The following CCDC57 variants were observed in gnomAD, a reference collection of about 807,000 sequenced individuals.
CCDC57 encodes the protein coiled-coil domain-containing protein 57.
CCDC57 carries 118 observed loss-of-function variants against 118.9 expected under a neutral mutation model. The ratio of observed to expected loss-of-function variants is 0.99; its 90% CI spans 0.86 to 1.16. CCDC57 has a LOEUF of 1.16. Ranked by LOEUF, CCDC57 falls within the 50% of genes most tolerant of loss-of-function variation. The pLI is 0.00. For missense variants in CCDC57, 1,300 were observed against 1,320.7 expected, an observed-to-expected ratio of 0.98 and a Z score of 0.24; for synonymous variants, 527 against 532.9, an observed-to-expected ratio of 0.99 and a Z score of 0.15.
intron 17 of CCDC57, among the ~76,000 whole-genome samples, chr17:82,133,668 C>A (rs2038758584): frequency 6.6e-6 from 1 of 151,826 alleles, no homozygotes; most frequent in African/African-American, 2.4e-5. Flanking sequence ...TGAAACCAGC[C>A]TGGCCAATAT....
chr17:82,148,308 A>AATGC (rs2041182754), intron 16 of CCDC57, among the ~76,000 whole-genome samples: 1 of 74,224 alleles, frequency 1.3e-5, no homozygotes, highest in Non-Finnish European at 2.8e-5. Flanking sequence ...TGGGTGGGTG[A>AATGC]ATGGATAAAT....
intron 3 of CCDC57, among the ~76,000 whole-genome samples, chr17:82,200,576 G>C (rs2048875350): frequency 6.6e-6 from 1 of 152,062 alleles, no homozygotes; most frequent in Non-Finnish European, 1.5e-5. Context: ...CTGAGGTCAG[G>C]AGTTCAAGAC....
intron 16 of CCDC57, among the ~76,000 whole-genome samples, chr17:82,144,969 T>A (rs2040503241): frequency 6.6e-6 from 1 of 151,836 alleles, no homozygotes; most frequent in Non-Finnish European, 1.5e-5. Flanking sequence ...CAGGAAATCC[T>A]TTTACCTATT....
At chr17:82,159,531 C>T (rs184722437) in intron 14 of CCDC57, among the ~76,000 whole-genome samples, 16 of 152,234 alleles carry the variant, frequency 1.1e-4, no homozygotes, top group Non-Finnish European at 1.8e-4. Context: ...CCAATCAAGG[C>T]GAGGCGTTAG....
intron 16 of CCDC57, among the ~76,000 whole-genome samples, chr17:82,143,298 A>G (rs1391921192): frequency 1.3e-5 from 2 of 152,222 alleles, no homozygotes. Context: ...AAAGAATAAA[A>G]ATAAATGTGA....
intron 8 of CCDC57, among the ~76,000 whole-genome samples, chr17:82,187,113 C>T (rs1013153693): frequency 6.7e-6 from 1 of 148,906 alleles, no homozygotes; most frequent in Non-Finnish European, 1.5e-5. Flanking sequence ...GGTATATGCC[C>T]GTAATGCCAG....
exon 20 of CCDC57, chr17:82,101,820 C>T (rs1463021004): frequency 6.3e-7 from 1 of 1,595,518 alleles, no homozygotes; most frequent in Admixed American, 1.8e-5. Context: ...CAATGCCTGC[C>T]TGCATCTTGA....
chr17:82,106,456 T>G (rs1479854122), intron 19 of CCDC57: 1 of 152,666 alleles, frequency 6.6e-6, no homozygotes, highest in Non-Finnish European at 1.5e-5. Context: ...AGGAGGCCAC[T>G]AGGAGGCTGA....
At chr17:82,198,398 G>A in exon 4 of CCDC57, 1 of 1,611,916 alleles carries the variant, frequency 6.2e-7, no homozygotes, top group Non-Finnish European at 8.5e-7. Context: ...GTTCCCGGTG[G>A]TGGTCAATCT....
At chr17:82,139,775 C>CTT (rs2039767575) in intron 16 of CCDC57, among the ~76,000 whole-genome samples, 1 of 152,142 alleles carries the variant, frequency 6.6e-6, no homozygotes, top group Non-Finnish European at 1.5e-5. Flanking sequence ...TGGGCACAGG[C>CTT]TTCTGATGGC....
intron 14 of CCDC57, among the ~76,000 whole-genome samples, chr17:82,158,222 G>A (rs960014933): frequency 1.3e-5 from 2 of 152,220 alleles, no homozygotes; most frequent in Admixed American, 6.5e-5. Context: ...GACTGAGGCA[G>A]AGCGCCTCGA....
intron 5 of CCDC57, 88 bp from the exon 5 acceptor site, chr17:82,194,227 TGGGA>T (rs1434895558): frequency 7.3e-7 from 1 of 1,361,086 alleles, no homozygotes; most frequent in African/African-American, 1.5e-5. Flanking sequence ...TTATCAGGAT[TGGGA>T]GGGAGAAGAA....
intron 19 of CCDC57, chr17:82,113,694 A>G: frequency 1.4e-6 from 1 of 714,836 alleles, no homozygotes; most frequent in Non-Finnish European, 2.6e-6. Flanking sequence ...GCACTTTGGG[A>G]GGCCAAGGCG....
intron 4 of CCDC57, among the ~76,000 whole-genome samples, chr17:82,195,868 C>T (rs539835189): frequency 9.8e-5 from 15 of 152,306 alleles, no homozygotes; most frequent in Admixed American, 3.3e-4. Flanking sequence ...AGAACCACAC[C>T]GGATGTGTGC....
At chr17:82,171,950 G>T in intron 12 of CCDC57, 97 bp from the exon 12 acceptor site, 1 of 1,313,574 alleles carries the variant, frequency 7.6e-7, no homozygotes, top group Non-Finnish European at 1.1e-6. Flanking sequence ...GCCAGCTCAT[G>T]CCCGCCAGCT....
chr17:82,131,894 T>A (rs894537370), intron 17 of CCDC57, among the ~76,000 whole-genome samples: 1 of 152,004 alleles, frequency 6.6e-6, no homozygotes, highest in African/African-American at 2.4e-5. Context: ...GGCAGGAGGA[T>A]CACTTGAGTT....
chr17:82,128,057 G>C (rs2037732519), intron 18 of CCDC57, 149 bp from the exon 18 acceptor site: 1 of 1,206,424 alleles, frequency 8.3e-7, no homozygotes, highest in Non-Finnish European at 1.1e-6. Context: ...ACCCAGGAGA[G>C]GCAGCTGCAG....
intron 17 of CCDC57, among the ~76,000 whole-genome samples, 183 bp downstream of exon 16, chr17:82,133,879 GAACCAAAACCA>G (rs1238116413): frequency 7.2e-6 from 1 of 139,606 alleles, no homozygotes; most frequent in African/African-American, 2.6e-5. Context: ...AAACAAATGA[GAACCAAAACCA>G]AACCAAAACA....
In CCDC57 at chr17:82,172,010, T is replaced by A. The variant is rs577672277; in HGVS notation, c.1730-157A>T. Among the ~76,000 whole-genome samples the A allele has an allele frequency of 3.1e-4, 47 of 152,162 alleles. No individual in the cohort carries two copies. Among genetic ancestry groups the A allele is most frequent in the African/African-American group, 9.6e-4 (40 of 41,496 alleles). On this transcript the variant is annotated intron_variant, in intron 12 of 19. Coordinates refer to ENST00000665763, the Ensembl canonical transcript of CCDC57. This position sits in a 1 kb window ranked among gnomAD's most constrained non-coding sequence, Gnocchi z 5.2. ...TACAGCTTCACCGTAGTTTCCACAC[T>A]CTCTGTGTGTGTCAGACTGAAAGAC... is the stretch of plus-strand genomic sequence containing the variant.
Sources: allele counts gnomAD v4.1 joint callset (sites outside exome capture counted in the v4.1 genomes callset), GRCh38; gene constraint gnomAD v4.1.1; non-coding constraint Gnocchi (gnomAD v3.1); transcripts MANE v1.5; gene names NCBI Gene and HGNC (gene_info 2026-07-23, HGNC 2026-07-21).